The following C12orf42 variants were observed in gnomAD, a reference collection of about 807,000 sequenced individuals.
C12orf42 encodes uncharacterized protein C12orf42.
In C12orf42, 25 loss-of-function variants were observed where a neutral mutation model predicts 21.6. The observed-to-expected ratio is 1.16, with a 90% CI of 0.84 to 1.62. The LOEUF (loss-of-function observed/expected upper bound fraction) is 1.62. C12orf42 is among the 40% of genes most tolerant of loss of function. The probability of loss-of-function intolerance (pLI) is 0.00; values close to 1 mark genes in which losing one functional copy is unlikely to be tolerated. For missense variants in C12orf42, 483 were observed against 459.3 expected (o/e 1.05, Z -0.47); for synonymous variants, 174 against 175.0 (o/e 0.99, Z 0.05).
the C12orf42 span, among the ~76,000 whole-genome samples, chr12:103,146,604 GAAAGAAAA>G: frequency 6.7e-6 from 1 of 149,648 alleles, no homozygotes; most frequent in South Asian, 2.1e-4. Flanking sequence ...AAGAAAGAAA[GAAAGAAAA>G]AGAAAAGTAA....
At chr12:103,328,203 T>C (rs192969640) in intron 4 of C12orf42, among the ~76,000 whole-genome samples, 2 of 152,246 alleles carry the variant, frequency 1.3e-5, no homozygotes, top group Admixed American at 1.3e-4. Context: ...AATGCAAAGA[T>C]AACATCTTAT....
At chr12:103,263,852 A>T (rs549124149), downstream of C12orf42, among the ~76,000 whole-genome samples, 2 of 152,252 alleles carry the variant, frequency 1.3e-5, no homozygotes, top group African/African-American at 4.8e-5. Flanking sequence ...TTGCTTCATC[A>T]ATATATACAC....
chr12:103,190,258 G>C, the C12orf42 span, among the ~76,000 whole-genome samples: 279 of 152,320 alleles, frequency 1.8e-3, no homozygotes, highest in African/African-American at 6.5e-3. Flanking sequence ...GGAAGAAAGA[G>C]AGAGTGAGAA....
At chr12:103,331,919 G>C (rs1222102433) in intron 4 of C12orf42, among the ~76,000 whole-genome samples, 3 of 152,188 alleles carry the variant, frequency 2.0e-5, no homozygotes, top group African/African-American at 7.2e-5. Flanking sequence ...GGAAGAGTTG[G>C]TTCTATGCAA....
rs190452542 is a variant in C12orf42 at position 103,478,170 on chromosome 12, G to T, written c.78+179C>A. On this transcript the variant is annotated intron_variant, in intron 2 of 5. Transcript: ENST00000548883. The stretch of plus-strand genomic sequence containing the variant: ...AGTGGGAAAAAAATAATTTATGAAG[G>T]CATTTAAAATTATGCTATAATTTAC... 2.1e-3 allele frequency: 1,091 copies of T among 517,056 alleles called. 2 individuals carry two copies. The highest frequency in any genetic ancestry group is 4.3e-3 in the South Asian group (156 of 36,518). 32.0% of individuals were successfully genotyped at this position (517,056 alleles called of 1,614,324 possible). A position where few individuals can be genotyped will look rare whatever the true frequency, so the allele number is the denominator to read the frequency against.
At position 103,341,045 on chromosome 12, in the gene C12orf42, G is replaced by A. The variant is rs559098870; in HGVS notation, c.259+27842C>T. Reference sequence around the variant, plus strand: ...GGAGAATGGCGTGAACCAGGGAGGCGGAGCTTGCAGTGAGCCAAGATCACA... The same window carrying A: ...GGAGAATGGCGTGAACCAGGGAGGCAGAGCTTGCAGTGAGCCAAGATCACA... On this transcript the variant is annotated intron_variant, in intron 4 of 5. Coordinates refer to ENST00000548883, the MANE Select transcript of C12orf42 (RefSeq NM_198521.5). Among the ~76,000 whole-genome samples, 24 of 147,476 alleles carry A rather than the reference G, an allele frequency of 1.6e-4. No homozygotes were observed. The South Asian group carries it at 2.6e-3, about 16-fold the overall frequency.
intron 2 of C12orf42, among the ~76,000 whole-genome samples, chr12:103,449,247 C>A (rs1290394892): frequency 6.6e-6 from 1 of 151,952 alleles, no homozygotes; most frequent in Admixed American, 6.6e-5. Flanking sequence ...AATGGAAAAA[C>A]CAAACATTGT....
downstream of C12orf42, chr12:103,268,345 T>A (rs2035273274): frequency 6.6e-6 from 1 of 152,102 alleles, no homozygotes; most frequent in African/African-American, 2.4e-5. Flanking sequence ...GCCTGGTTAA[T>A]AGGTATGTGA....
chr12:103,250,056 CATCT>C (rs3063670), intron 10 of C12orf42, among the ~76,000 whole-genome samples: 71,590 of 147,972 alleles, frequency 0.48, 18,559 homozygotes, highest in Non-Finnish European at 0.59. Flanking sequence ...AAATCAAAGA[CATCT>C]ATCTATCTAT....
chr12:103,143,066 G>A, the C12orf42 span, among the ~76,000 whole-genome samples: 2 of 152,260 alleles, frequency 1.3e-5, no homozygotes, highest in South Asian at 2.1e-4. Context: ...ACACTGGAAC[G>A]TGACAGGCAA....
chr12:103,408,895 A>G (rs969459004), intron 2 of C12orf42, among the ~76,000 whole-genome samples: 1 of 152,210 alleles, frequency 6.6e-6, no homozygotes, highest in Admixed American at 6.5e-5. Flanking sequence ...GTTATATTTG[A>G]TGTATCCAAA....
At chr12:103,382,536 A>G (rs1038202303) in intron 3 of C12orf42, among the ~76,000 whole-genome samples, 4 of 152,218 alleles carry the variant, frequency 2.6e-5, no homozygotes, top group African/African-American at 7.2e-5. Context: ...GAGATCTACT[A>G]AAGAAGAAGA....
At chr12:103,092,076 TTGTTTGTTAGAAAATAGC>T in the C12orf42 span, among the ~76,000 whole-genome samples, 1 of 152,232 alleles carries the variant, frequency 6.6e-6, no homozygotes, top group Non-Finnish European at 1.5e-5. Context: ...TGCTATGTTC[TTGTTTGTTAGAAAATAGC>T]TTTCTCTGAC....
chr12:103,237,352 T>C (rs570042654), downstream of C12orf42, among the ~76,000 whole-genome samples: 5 of 152,274 alleles, frequency 3.3e-5, no homozygotes, highest in South Asian at 1.0e-3. Context: ...ACAGACAATA[T>C]TGGCACAGTG....
the C12orf42 span, among the ~76,000 whole-genome samples, chr12:103,100,663 T>C: frequency 6.6e-6 from 1 of 152,148 alleles, no homozygotes; most frequent in African/African-American, 2.4e-5. Context: ...GACAGTACAG[T>C]TAAATGATCA....
chr12:103,080,526 A>C, the C12orf42 span, among the ~76,000 whole-genome samples: 1 of 152,220 alleles, frequency 6.6e-6, no homozygotes, highest in Non-Finnish European at 1.5e-5. Flanking sequence ...ACCTAAAAAA[A>C]AGCTACTTTA....
At chr12:103,291,952 C>A (rs896431609) in intron 4 of C12orf42, among the ~76,000 whole-genome samples, 1 of 152,194 alleles carries the variant, frequency 6.6e-6, no homozygotes, top group South Asian at 2.1e-4. Flanking sequence ...TATGTACACA[C>A]AAAAACTGGT....
the C12orf42 span, among the ~76,000 whole-genome samples, chr12:103,509,837 C>A: frequency 6.6e-6 from 1 of 151,900 alleles, no homozygotes; most frequent in Non-Finnish European, 1.5e-5. Context: ...TGGCCATAAT[C>A]AAAAAAATCA....
At chr12:103,217,530 CAAAA>C in the C12orf42 span, among the ~76,000 whole-genome samples, 3 of 78,006 alleles carry the variant, frequency 3.8e-5, no homozygotes, top group Non-Finnish European at 9.0e-5. Context: ...GACCCTGTCT[CAAAA>C]AAAAAAAAAA....
Sources: allele counts gnomAD v4.1 joint callset (sites outside exome capture counted in the v4.1 genomes callset), GRCh38; gene constraint gnomAD v4.1.1; transcripts MANE v1.5; gene names NCBI Gene and HGNC (gene_info 2026-07-23, HGNC 2026-07-21).